UNC80: variants seen among roughly 807,000 people sequenced by gnomAD.
UNC80 encodes the protein unc-80 subunit of NALCN channel complex.
Under a neutral mutation model 384.6 loss-of-function variants are expected in UNC80, and 164 were observed. The observed-to-expected ratio is 0.43, with a 90% CI of 0.38 to 0.49. The LOEUF is 0.49. UNC80 is among the 20% of genes least tolerant of loss of function. The pLI is 0.00. For synonymous variants in UNC80, 1,486 were observed against 1,527.8 expected, an observed-to-expected ratio of 0.97 and a Z score of 0.64; for missense variants, 3,330 against 4,143.0, an observed-to-expected ratio of 0.80 and a Z score of 5.39.
At position 209,888,177 on chromosome 2, in the gene UNC80, T is replaced by A. The variant is rs1370489029; in HGVS notation, c.4193T>A (p.Leu1398Gln). The change falls in exon 26 of 65, where the codon CTG becomes CAG. Residue 1398 changes from leucine (L) to glutamine (Q), a missense_variant. Coordinates refer to ENST00000673920, the MANE Select transcript of UNC80 (RefSeq NM_001371986.1). ...YERKISFAGVLDENEDSKDSL... is the reference protein window; with the variant it reads ...YERKISFAGVQDENEDSKDSL... The stretch of plus-strand genomic sequence containing the variant: ...AGGAAGATCAGCTTTGCTGGGGTCC[T>A]GGACGAAAATGAAGACTCAAAAGAT... 6 of 1,551,672 alleles carry A rather than the reference T, an allele frequency of 3.9e-6. No individual in the cohort carries two copies. The highest frequency in any genetic ancestry group is 5.2e-6 in the Non-Finnish European group (6 of 1,146,986).
In UNC80 at chr2:209,801,610, A is replaced by G. The variant is rs2078559263; in HGVS notation, c.938+7751A>G. Reference sequence around the variant, plus strand: ...GTAGGCCAGGCTGGTCTTGAACTCCAGACCTTGTGATCCACCCACCTCGGC... The same window carrying G: ...GTAGGCCAGGCTGGTCTTGAACTCCGGACCTTGTGATCCACCCACCTCGGC... On this transcript the variant is annotated intron_variant, in intron 7 of 64. Coordinates refer to ENST00000673920, the MANE Select transcript of UNC80 (RefSeq NM_001371986.1). 2.7e-5 allele frequency among the ~76,000 whole-genome samples: 4 copies of G among 150,296 alleles called. No individual in the cohort carries two copies. In the South Asian group the frequency reaches 8.4e-4, roughly 32 times the overall value.
At chr2:209,831,419 T>G in intron 15 of UNC80, 24 bp from the exon 16 acceptor site, 1 of 1,536,014 alleles carries the variant, frequency 6.5e-7, no homozygotes, top group Non-Finnish European at 8.8e-7. Context: ...AACATTGTCT[T>G]TAATTTGTGC....
chr2:209,969,569 T>TG, intron 52 of UNC80, 199 bp from the exon 53 acceptor site: 2 of 595,702 alleles, frequency 3.4e-6, no homozygotes, highest in Non-Finnish European at 5.6e-6. Context: ...TTTAGTCGAG[T>TG]GGGGCAGGCC....
intron 16 of UNC80, among the ~76,000 whole-genome samples, chr2:209,833,019 T>A (rs1233428188): frequency 6.6e-6 from 1 of 152,190 alleles, no homozygotes; most frequent in Non-Finnish European, 1.5e-5. Flanking sequence ...TCTGGTGAGT[T>A]TGGAATCTTT....
At chr2:209,802,601 C>G (rs1195145569) in intron 7 of UNC80, among the ~76,000 whole-genome samples, 2 of 152,152 alleles carry the variant, frequency 1.3e-5, no homozygotes, top group Non-Finnish European at 2.9e-5. Context: ...TTAGGTAGCT[C>G]TGTTTAGTGG....
At chr2:209,809,332 G>T in intron 7 of UNC80, 1 of 805,892 alleles carries the variant, frequency 1.2e-6, no homozygotes, top group South Asian at 1.4e-5. Flanking sequence ...CTTCGCCTGC[G>T]AAACCTGCGG....
At chr2:209,948,149 T>G (rs2091996007) in intron 47 of UNC80, among the ~76,000 whole-genome samples, 1 of 152,196 alleles carries the variant, frequency 6.6e-6, no homozygotes, top group African/African-American at 2.4e-5. Context: ...CAATGAATGT[T>G]TTTGTATATG....
intron 18 of UNC80, among the ~76,000 whole-genome samples, chr2:209,836,105 TTCAA>T (rs2081321128): frequency 1.0e-5 from 1 of 96,412 alleles, no homozygotes; most frequent in Non-Finnish European, 2.3e-5. Flanking sequence ...GAATGAATGA[TTCAA>T]TCAATCAATG....
intron 7 of UNC80, among the ~76,000 whole-genome samples, chr2:209,804,175 A>C (rs1363946852): frequency 6.6e-6 from 1 of 152,220 alleles, no homozygotes. Flanking sequence ...ATCTGCACCA[A>C]ACACGCCCAA....
chr2:209,867,544 C>G lies in UNC80; in HGVS notation c.3628-5214C>G, dbSNP rs145320238. ...CCCTCTGTCCTACCCAGAGCCAAAC[C>G]TTGTCAGGCAAACCAACTTCTTTGG... On this transcript the variant is annotated intron_variant, in intron 22 of 64. Coordinates refer to ENST00000673920, the MANE Select transcript of UNC80 (RefSeq NM_001371986.1). Among the ~76,000 whole-genome samples the G allele has an allele frequency of 3.8e-3, 572 of 152,210 alleles. 3 individuals carry two copies. Among genetic ancestry groups the G allele is most frequent in the African/African-American group, 0.013 (535 of 41,540 alleles).
chr2:209,821,352 T>C (rs952458410), intron 13 of UNC80, among the ~76,000 whole-genome samples: 1 of 152,236 alleles, frequency 6.6e-6, no homozygotes, highest in Non-Finnish European at 1.5e-5. Flanking sequence ...AAGACCCATC[T>C]TCAAATACCA....
intron 7 of UNC80, chr2:209,809,554 T>C: frequency 1.1e-6 from 1 of 933,196 alleles, no homozygotes. Context: ...GCACCAAGAG[T>C]CGGGCTGCTC....
At chr2:209,863,074 A>G (rs1222693710) in intron 22 of UNC80, among the ~76,000 whole-genome samples, 4 of 151,992 alleles carry the variant, frequency 2.6e-5, no homozygotes, top group African/African-American at 9.7e-5. Context: ...AAAGGATTTT[A>G]TTTCTCCTTT....
At chr2:209,826,982 T>C (rs1173357473) in intron 14 of UNC80, among the ~76,000 whole-genome samples, 1 of 152,064 alleles carries the variant, frequency 6.6e-6, no homozygotes, top group Non-Finnish European at 1.5e-5. Context: ...TAATGCATCA[T>C]CTCTCATCTA....
At chr2:209,912,286 C>T (rs1249855648) in intron 29 of UNC80, among the ~76,000 whole-genome samples, 5 of 152,192 alleles carry the variant, frequency 3.3e-5, no homozygotes, top group Non-Finnish European at 7.3e-5. Context: ...CTTTGCAACT[C>T]AGTCAAGTTC....
intron 48 of UNC80, among the ~76,000 whole-genome samples, chr2:209,956,852 G>A (rs2092436990): frequency 6.6e-6 from 1 of 152,080 alleles, no homozygotes; most frequent in African/African-American, 2.4e-5. Flanking sequence ...TCTCTAAATT[G>A]TGTCTATCAC....
chr2:209,950,193 G>A (rs1018756112), intron 47 of UNC80, among the ~76,000 whole-genome samples: 1 of 152,166 alleles, frequency 6.6e-6, no homozygotes, highest in Non-Finnish European at 1.5e-5. Context: ...TGTAAGTAAT[G>A]TGGTTTCTTG....
At chr2:209,975,518 T>C (rs1281124137) in intron 56 of UNC80, among the ~76,000 whole-genome samples, 1 of 152,190 alleles carries the variant, frequency 6.6e-6, no homozygotes, top group Non-Finnish European at 1.5e-5. Context: ...TGTTTTTTAT[T>C]TTTGGAAAGA....
chr2:209,887,144 C>T (rs1384215770), intron 25 of UNC80, among the ~76,000 whole-genome samples: 1 of 152,192 alleles, frequency 6.6e-6, no homozygotes, highest in Admixed American at 6.5e-5. Context: ...TCAAGCAATT[C>T]TCCTGCCTCA....
Sources: gnomAD v4.1 joint callset for allele counts (sites outside exome capture counted in the v4.1 genomes callset) on GRCh38, gnomAD v4.1.1 for gene constraint, MANE v1.5 for transcripts, NCBI Gene and HGNC (gene_info 2026-07-23, HGNC 2026-07-21) for gene names.